PPARGC1A: variants seen among roughly 807,000 people sequenced by gnomAD.
The protein encoded by PPARGC1A is peroxisome proliferator-activated receptor gamma coactivator 1-alpha.
In PPARGC1A, 25 loss-of-function variants were observed where a neutral mutation model predicts 88.7. The ratio of observed to expected loss-of-function variants is 0.28; its 90% CI spans 0.21 to 0.39. PPARGC1A has a LOEUF of 0.39. Ranked by LOEUF, PPARGC1A falls within the 10% of genes least tolerant of loss-of-function variation. PPARGC1A has a pLI of 1.00. For synonymous variants in PPARGC1A, 363 were observed against 355.6 expected, an observed-to-expected ratio of 1.02 and a Z score of -0.24; for missense variants, 880 against 968.7, an observed-to-expected ratio of 0.91 and a Z score of 1.22.
the PPARGC1A span, among the ~76,000 whole-genome samples, chr4:24,345,226 T>A: frequency 6.6e-6 from 1 of 152,040 alleles, no homozygotes. Flanking sequence ...TAGGCTTGCT[T>A]CGGCTATGTG....
the PPARGC1A span, among the ~76,000 whole-genome samples, chr4:24,375,698 G>A: frequency 6.6e-6 from 1 of 152,136 alleles, no homozygotes. Flanking sequence ...AGAGACTAGA[G>A]CCAGCATGGG....
chr4:24,331,889 A>G, the PPARGC1A span, among the ~76,000 whole-genome samples: 1 of 152,002 alleles, frequency 6.6e-6, no homozygotes, highest in Non-Finnish European at 1.5e-5. Flanking sequence ...ATAGGTTTTA[A>G]GCCCCACATG....
At chr4:23,900,082 G>A (rs1276088889), upstream of PPARGC1A, among the ~76,000 whole-genome samples, 1 of 151,630 alleles carries the variant, frequency 6.6e-6, no homozygotes, top group African/African-American at 2.4e-5. Flanking sequence ...TAGACAAACA[G>A]CCTTGGAGCA....
At chr4:24,233,439 C>T in the PPARGC1A span, among the ~76,000 whole-genome samples, 1 of 151,896 alleles carries the variant, frequency 6.6e-6, no homozygotes, top group Non-Finnish European at 1.5e-5. Flanking sequence ...ACTAAGACAC[C>T]GTCCCATTGA....
the PPARGC1A span, among the ~76,000 whole-genome samples, chr4:24,078,074 C>A: frequency 5.3e-5 from 8 of 150,496 alleles, no homozygotes; most frequent in African/African-American, 2.0e-4. Context: ...AAATGTTTTC[C>A]TCTGCCCTGC....
the PPARGC1A span, among the ~76,000 whole-genome samples, chr4:24,010,517 A>G: frequency 7.7e-4 from 117 of 152,300 alleles, no homozygotes; most frequent in African/African-American, 2.7e-3. Context: ...AATAAAAATA[A>G]ATTTTTGCCC....
the PPARGC1A span, among the ~76,000 whole-genome samples, chr4:24,367,549 C>T: frequency 6.6e-6 from 1 of 152,148 alleles, no homozygotes; most frequent in Non-Finnish European, 1.5e-5. Flanking sequence ...AAATGAAAGT[C>T]ATTCCAAATT....
chr4:24,157,156 C>A, the PPARGC1A span, among the ~76,000 whole-genome samples: 6 of 152,138 alleles, frequency 3.9e-5, no homozygotes, highest in African/African-American at 1.4e-4. Flanking sequence ...TTTCACTTTT[C>A]TGTTTCTGAA....
chr4:24,421,761 T>G, the PPARGC1A span, among the ~76,000 whole-genome samples: 3 of 152,306 alleles, frequency 2.0e-5, no homozygotes, highest in East Asian at 3.9e-4. Context: ...AGTACTGAAA[T>G]CTGAGAGTCA....
At chr4:23,939,315 A>C in the PPARGC1A span, among the ~76,000 whole-genome samples, 4 of 152,176 alleles carry the variant, frequency 2.6e-5, no homozygotes, top group African/African-American at 9.7e-5. Flanking sequence ...TTTGTTTTGA[A>C]ATACCAAAAT....
the PPARGC1A span, among the ~76,000 whole-genome samples, chr4:24,031,197 T>G: frequency 2.0e-5 from 3 of 152,178 alleles, no homozygotes; most frequent in African/African-American, 7.2e-5. Context: ...AATTAATGAA[T>G]TAATGATACA....
chr4:23,933,469 C>T, the PPARGC1A span, among the ~76,000 whole-genome samples: 138 of 152,302 alleles, frequency 9.1e-4, no homozygotes, highest in Admixed American at 8.1e-3. Flanking sequence ...AACTCTCAAC[C>T]TCACCTCATA....
At chr4:24,177,560 T>C in the PPARGC1A span, among the ~76,000 whole-genome samples, 1 of 151,472 alleles carries the variant, frequency 6.6e-6, no homozygotes, top group African/African-American at 2.4e-5. Context: ...GGCACATGTA[T>C]ACATATGTAG....
At chr4:24,037,668 G>GA in the PPARGC1A span, among the ~76,000 whole-genome samples, 5 of 152,172 alleles carry the variant, frequency 3.3e-5, no homozygotes, top group Non-Finnish European at 7.4e-5. Flanking sequence ...TAACATAAGA[G>GA]AAAAATCAGT....
At chr4:23,828,244 G>A (rs58828172) in intron 5 of PPARGC1A, among the ~76,000 whole-genome samples, 156 bp downstream of exon 5, 1,669 of 152,252 alleles carry the variant, frequency 0.011, 46 homozygotes, top group African/African-American at 0.039. Context: ...TCCAAGGAAA[G>A]GTTTCTTCCC....
intron 2 of PPARGC1A, among the ~76,000 whole-genome samples, chr4:23,866,714 G>T (rs59109286): frequency 0.095 from 14,470 of 152,068 alleles, 1,069 homozygotes; most frequent in African/African-American, 0.21. Context: ...AAACTTGTTC[G>T]GTACTGTGAA....
chr4:23,803,762 G>C (rs1304532820), intron 10 of PPARGC1A, among the ~76,000 whole-genome samples: 1 of 152,220 alleles, frequency 6.6e-6, no homozygotes, highest in Non-Finnish European at 1.5e-5. Flanking sequence ...TTGAAGCAAA[G>C]ACTAGAAGCA....
At chr4:23,944,921 C>T in the PPARGC1A span, among the ~76,000 whole-genome samples, 36 of 152,262 alleles carry the variant, frequency 2.4e-4, no homozygotes, top group Middle Eastern at 3.4e-3. Flanking sequence ...TCTTTATTAG[C>T]AGTGTGAGAA....
At chr4:23,939,361 A>C in the PPARGC1A span, among the ~76,000 whole-genome samples, 8 of 152,204 alleles carry the variant, frequency 5.3e-5, no homozygotes, top group South Asian at 4.1e-4. Flanking sequence ...TCATTGACAG[A>C]TGGGCCAAAA....
Sources: allele counts gnomAD v4.1 joint callset (sites outside exome capture counted in the v4.1 genomes callset), GRCh38; gene constraint gnomAD v4.1.1; transcripts MANE v1.5; gene names NCBI Gene and HGNC (gene_info 2026-07-23, HGNC 2026-07-21).